EXOC6: variants seen among roughly 807,000 people sequenced by gnomAD.
The protein encoded by EXOC6 is SEC15-like 1.
Under a neutral mutation model 112.5 loss-of-function variants are expected in EXOC6, and 60 were observed. That is an observed-to-expected ratio of 0.53 (90% CI 0.43 to 0.66). The LOEUF is 0.66. EXOC6 is among the 30% of genes least tolerant of loss of function. The pLI is 0.00. For synonymous variants in EXOC6, 295 were observed against 308.0 expected (o/e 0.96, Z 0.44); for missense variants, 855 against 957.1 (o/e 0.89, Z 1.41).
At chr10:93,038,895 G>A (rs1416805009) in intron 20 of EXOC6, among the ~76,000 whole-genome samples, 1 of 152,212 alleles carries the variant, frequency 6.6e-6, no homozygotes, top group African/African-American at 2.4e-5. Context: ...ACTTTAGGAA[G>A]TTATCAATGG....
At chr10:92,839,069 C>T (rs1432236179) in intron 1 of EXOC6, among the ~76,000 whole-genome samples, 1 of 149,878 alleles carries the variant, frequency 6.7e-6, no homozygotes, top group Admixed American at 6.6e-5. Context: ...TGAGACTCCT[C>T]TAAAAAAAAA....
intron 1 of EXOC6, among the ~76,000 whole-genome samples, chr10:92,854,310 G>T (rs928242244): frequency 1.3e-5 from 2 of 151,824 alleles, no homozygotes; most frequent in Non-Finnish European, 2.9e-5. Flanking sequence ...GGTAGCACAC[G>T]CCTGTAGTCC....
chr10:92,891,605 C>T (rs1447729096), intron 1 of EXOC6, among the ~76,000 whole-genome samples: 2 of 152,090 alleles, frequency 1.3e-5, no homozygotes, highest in African/African-American at 4.8e-5. Context: ...CCTCAGCCTC[C>T]TGAGTAGCTG....
rs567324668 is a variant in EXOC6, at chr10:92,986,099, T to C, written c.1954-11375T>C. Among the ~76,000 whole-genome samples, 5 of 152,280 alleles carry C rather than the reference T, an allele frequency of 3.3e-5. No homozygotes were observed. The East Asian group carries it at 5.8e-4, about 18-fold the overall frequency. ...GAATCTAATTCATGTAAAAATGATATATTGTGAACTGTGATACTTTCATTA... is the reference window on the plus strand; with the variant it reads ...GAATCTAATTCATGTAAAAATGATACATTGTGAACTGTGATACTTTCATTA... On this transcript the variant is annotated intron_variant, in intron 18 of 21. Transcript: ENST00000260762.
intron 20 of EXOC6, among the ~76,000 whole-genome samples, chr10:93,028,010 A>T (rs1366139112): frequency 6.6e-6 from 1 of 152,186 alleles, no homozygotes; most frequent in Non-Finnish European, 1.5e-5. Flanking sequence ...GCCATTAAAG[A>T]CATTTGTGAT....
intron 11 of EXOC6, 123 bp from the exon 12 acceptor site, chr10:92,935,691 A>C: frequency 1.4e-6 from 1 of 740,694 alleles, no homozygotes. Flanking sequence ...AAAATTTTAA[A>C]CTTATTATAA....
intron 9 of EXOC6, among the ~76,000 whole-genome samples, chr10:92,931,464 T>C (rs1192114384): frequency 1.3e-5 from 2 of 149,928 alleles, no homozygotes; most frequent in African/African-American, 4.8e-5. Context: ...ATATATATAA[T>C]GTGTAATGAT....
chr10:93,047,238 A>G (rs1354297347), intron 20 of EXOC6, among the ~76,000 whole-genome samples: 4 of 152,038 alleles, frequency 2.6e-5, no homozygotes, highest in Non-Finnish European at 2.9e-5. Context: ...AATAGTAGGG[A>G]TGGAAAGTTG....
chr10:92,960,120 C>T (rs1304378257), intron 17 of EXOC6, among the ~76,000 whole-genome samples: 1 of 152,170 alleles, frequency 6.6e-6, no homozygotes, highest in Admixed American at 6.5e-5. Flanking sequence ...AGATGTCCTT[C>T]AGTAGGTGAA....
At chr10:93,050,908 G>A (rs856534) in intron 20 of EXOC6, among the ~76,000 whole-genome samples, 77,627 of 151,734 alleles carry the variant, frequency 0.51, 21,722 homozygotes, top group East Asian at 0.79. Context: ...AAACAAATAA[G>A]TAAGGAGTTA....
rs190319991 is a variant in EXOC6 at position 92,986,389 on chromosome 10, A to G, written c.1954-11085A>G. Among the ~76,000 whole-genome samples the G allele has an allele frequency of 7.2e-5, 11 of 152,304 alleles. 1 individual carries two copies. The highest frequency in any genetic ancestry group is 3.9e-4 in the East Asian group (2 of 5,176). On this transcript the variant is annotated intron_variant, in intron 18 of 21. Transcript: ENST00000260762. ...AAAAGTTAGTGTTTATCTAGGGTCT[A>G]TTCCAGTCTTCCAGAAGAGTTCTTT...
chr10:93,049,085 T>C (rs1401659032), intron 20 of EXOC6, among the ~76,000 whole-genome samples: 4 of 150,212 alleles, frequency 2.7e-5, no homozygotes, highest in Non-Finnish European at 1.5e-5. Context: ...TGAGGCAGAG[T>C]CTCGCTCTGT....
chr10:92,963,483 A>T (rs1160102199), intron 17 of EXOC6, among the ~76,000 whole-genome samples: 2 of 151,896 alleles, frequency 1.3e-5, no homozygotes, highest in African/African-American at 4.8e-5. Context: ...GATATTATTA[A>T]TCTCTGGCTT....
intron 1 of EXOC6, among the ~76,000 whole-genome samples, chr10:92,859,820 CATGT>C (rs1233444884): frequency 2.3e-3 from 242 of 103,472 alleles, no homozygotes; most frequent in East Asian, 0.014. Flanking sequence ...CGTTTGTGTG[CATGT>C]GTGTGTGTGT....
intron 17 of EXOC6, among the ~76,000 whole-genome samples, chr10:92,966,651 A>G (rs371182506): frequency 4.7e-5 from 7 of 148,480 alleles, no homozygotes; most frequent in East Asian, 2.0e-4. Flanking sequence ...GTATTCCATG[A>G]TGTATATGTG....
chr10:92,862,929 T>C (rs999482625), intron 1 of EXOC6, among the ~76,000 whole-genome samples: 6 of 152,144 alleles, frequency 3.9e-5, no homozygotes, highest in African/African-American at 7.2e-5. Context: ...GTATTTAACT[T>C]TTAGAGTCTA....
At chr10:92,890,318 A>G (rs1320124075) in intron 1 of EXOC6, among the ~76,000 whole-genome samples, 1 of 152,172 alleles carries the variant, frequency 6.6e-6, no homozygotes, top group Admixed American at 6.5e-5. Flanking sequence ...GTGAAAACTG[A>G]TACTTAGAGA....
chr10:92,937,888 CTGTT>C (rs753576965), intron 12 of EXOC6, among the ~76,000 whole-genome samples: 9 of 152,146 alleles, frequency 5.9e-5, no homozygotes, highest in Non-Finnish European at 1.0e-4. Context: ...GGTCTGCAAA[CTGTT>C]TGTTACTAGT....
In EXOC6 at chr10:93,044,432, C is replaced by T. The variant is rs764454378; in HGVS notation, c.2170-12492C>T. On this transcript the variant is annotated intron_variant, in intron 20 of 21. Transcript: ENST00000260762. ...GTAAGGTTATAAACTCTCCTAAATACAAATACTAACTGAGATATTATAATA... is the reference window on the plus strand; with the variant it reads ...GTAAGGTTATAAACTCTCCTAAATATAAATACTAACTGAGATATTATAATA... 5.9e-5 allele frequency among the ~76,000 whole-genome samples: 9 copies of T among 152,150 alleles called. No homozygotes were observed. The South Asian group carries it at 8.3e-4, about 14-fold the overall frequency.
Sources: allele counts gnomAD v4.1 joint callset (sites outside exome capture counted in the v4.1 genomes callset), GRCh38; gene constraint gnomAD v4.1.1; transcripts MANE v1.5; gene names NCBI Gene and HGNC (gene_info 2026-07-23, HGNC 2026-07-21).